The following MAP2K5 variants were observed in gnomAD, a reference collection of about 807,000 sequenced individuals.
MAP2K5 encodes the protein dual specificity mitogen-activated protein kinase kinase 5.
MAP2K5 carries 49 observed loss-of-function variants against 83.1 expected under a neutral mutation model. The ratio of observed to expected loss-of-function variants is 0.59; its 90% CI spans 0.47 to 0.75. The LOEUF (loss-of-function observed/expected upper bound fraction) is 0.75. Ranked by LOEUF, MAP2K5 falls within the 30% of genes least tolerant of loss-of-function variation. The probability of loss-of-function intolerance (pLI) is 0.00; values close to 1 mark genes in which losing one functional copy is unlikely to be tolerated. For synonymous variants in MAP2K5, 202 were observed against 191.8 expected (o/e 1.05, Z -0.44); for missense variants, 457 against 557.5 (o/e 0.82, Z 1.82).
At chr15:67,706,834 G>A (rs1196884747) in intron 16 of MAP2K5, among the ~76,000 whole-genome samples, 6 of 152,182 alleles carry the variant, frequency 3.9e-5, no homozygotes, top group Admixed American at 1.3e-4. Flanking sequence ...ATATGTGATA[G>A]GGAAGAGAAG....
At chr15:67,564,815 A>G (rs986994020) in intron 3 of MAP2K5, among the ~76,000 whole-genome samples, 3 of 152,344 alleles carry the variant, frequency 2.0e-5, no homozygotes, top group East Asian at 1.9e-4. Context: ...ACATATGTCC[A>G]TTGCAGAGAA....
chr15:67,565,340 C>T lies in MAP2K5; in HGVS notation c.252+1990C>T, dbSNP rs1355974110. Among the ~76,000 whole-genome samples the T allele has an allele frequency of 6.6e-6, 1 of 152,168 alleles. No homozygotes were observed. The highest frequency in any genetic ancestry group is 2.4e-5 in the African/African-American group (1 of 41,448). On this transcript the variant is annotated intron_variant, in intron 3 of 21. Transcript: ENST00000178640. This position sits in a 1 kb window ranked among gnomAD's most constrained non-coding sequence, Gnocchi z 4.1. ...TGTCTCCCGGGTTTAAGCAATTCTC[C>T]TGCCTCAGCCTCCTGAGTAGCTGGG...
chr15:67,543,358 C>T lies in MAP2K5; in HGVS notation c.23C>T (p.Pro8Leu). ...GTAATGCTGTGGCTAGCCCTTGGCC[C>T]CTTTCCTGCCATGGAGAACCAGGTG... MLWLALG[P>L]FPAMENQVLV... The change falls in exon 1 of 22, where the codon CCC becomes CTC. Residue 8 changes from proline to leucine, a missense_variant. This residue lies in a region of MAP2K5 where 234 missense variants were observed against 243.6 expected (regional missense o/e 0.96). Coordinates refer to ENST00000178640, the MANE Select transcript of MAP2K5 (RefSeq NM_145160.3). The surrounding 1 kb of genome is among the most constrained non-coding windows in gnomAD (Gnocchi z 4.3). 3 of 1,614,210 alleles carry T rather than the reference C, an allele frequency of 1.9e-6. No individual in the cohort carries two copies. Among genetic ancestry groups the T allele is most frequent in the East Asian group, 2.2e-5 (1 of 44,880 alleles).
intron 12 of MAP2K5, among the ~76,000 whole-genome samples, chr15:67,660,476 A>G (rs2087209685): frequency 6.6e-6 from 1 of 152,104 alleles, no homozygotes; most frequent in African/African-American, 2.4e-5. Context: ...TTGTGATCCC[A>G]GTATCCTTGG....
In MAP2K5 at chr15:67,708,343, A is replaced by G. The variant is rs1278135164; in HGVS notation, c.1044+4935A>G. Reference sequence around the variant, plus strand: ...GTCTTAAAAAAAAAAAAAATCAGATAGAGACAAAATGGGCATGAGAGTTTT... The same window carrying G: ...GTCTTAAAAAAAAAAAAAATCAGATGGAGACAAAATGGGCATGAGAGTTTT... On this transcript the variant is annotated intron_variant, in intron 16 of 21. Coordinates refer to ENST00000178640, the MANE Select transcript of MAP2K5 (RefSeq NM_145160.3). This position sits in a 1 kb window ranked among gnomAD's most constrained non-coding sequence, Gnocchi z 4.9. Among the ~76,000 whole-genome samples, 2 of 151,942 alleles carry G rather than the reference A, an allele frequency of 1.3e-5. No individual in the cohort carries two copies. The highest frequency in any genetic ancestry group is 1.3e-4 in the Admixed American group (2 of 15,262).
At chr15:67,721,533 G>C (rs1402725881) in intron 16 of MAP2K5, among the ~76,000 whole-genome samples, 1 of 152,164 alleles carries the variant, frequency 6.6e-6, no homozygotes, top group East Asian at 1.9e-4. Context: ...CACTGCACTA[G>C]AAGTCTATGA....
chr15:67,799,126 G>A (rs764979740), intron 21 of MAP2K5, among the ~76,000 whole-genome samples: 2 of 152,202 alleles, frequency 1.3e-5, no homozygotes, highest in East Asian at 3.8e-4. Flanking sequence ...CCGAGATCGC[G>A]CCACTGCCCT....
chr15:67,801,408 A>G lies in MAP2K5; in HGVS notation c.1243-5238A>G, dbSNP rs2090704458. On this transcript the variant is annotated intron_variant, in intron 21 of 21. Coordinates refer to ENST00000178640, the MANE Select transcript of MAP2K5 (RefSeq NM_145160.3). The surrounding 1 kb of genome is among the most constrained non-coding windows in gnomAD (Gnocchi z 4.8). ...GAGTCCTTGGCCTCCTATCCCATGC[A>G]GCATCCTTGGTGGGAGAGGATGTGC... Among the ~76,000 whole-genome samples the G allele has an allele frequency of 6.6e-6, 1 of 152,194 alleles. No homozygotes were observed. Among genetic ancestry groups the G allele is most frequent in the Admixed American group, 6.5e-5 (1 of 15,286 alleles).
At chr15:67,776,464 C>T (rs577435985) in intron 21 of MAP2K5, among the ~76,000 whole-genome samples, 2 of 152,144 alleles carry the variant, frequency 1.3e-5, no homozygotes, top group South Asian at 4.1e-4. Flanking sequence ...AAAAGCCAGC[C>T]CCTTGCCAGT....
intron 16 of MAP2K5, among the ~76,000 whole-genome samples, chr15:67,718,713 G>C (rs61177804): frequency 0.017 from 2,603 of 152,224 alleles, 81 homozygotes; most frequent in African/African-American, 0.06. Flanking sequence ...GCAGTGAGCC[G>C]AGATCATGCT....
intron 21 of MAP2K5, among the ~76,000 whole-genome samples, chr15:67,773,805 C>G (rs894241153): frequency 4.6e-5 from 7 of 152,090 alleles, no homozygotes; most frequent in Non-Finnish European, 7.4e-5. Context: ...AAACTGGTCT[C>G]TTTTTTTGGT....
chr15:67,610,579 G>A (rs1270925216), intron 8 of MAP2K5, among the ~76,000 whole-genome samples: 1 of 152,108 alleles, frequency 6.6e-6, no homozygotes, highest in African/African-American at 2.4e-5. Flanking sequence ...AGTCCAAAAG[G>A]CATTTACCGC....
At chr15:67,585,861 T>A in intron 4 of MAP2K5, 29 bp from the exon 5 acceptor site, 1 of 1,608,250 alleles carries the variant, frequency 6.2e-7, no homozygotes. Context: ...CCCTGATGTG[T>A]TCTACAATTT....
chr15:67,801,691 G>C lies in MAP2K5; in HGVS notation c.1243-4955G>C, dbSNP rs2090709253. Among the ~76,000 whole-genome samples, 1 of 152,280 alleles carries C rather than the reference G, an allele frequency of 6.6e-6. No individual in the cohort carries two copies. Among genetic ancestry groups the C allele is most frequent in the African/African-American group, 2.4e-5 (1 of 41,550 alleles). ...GGGGGTGCCGGGAGGGTTCAGGAGA[G>C]CTGTGGTCAGATGTAAGGCATTCAG... On this transcript the variant is annotated intron_variant, in intron 21 of 21. Coordinates refer to ENST00000178640, the MANE Select transcript of MAP2K5 (RefSeq NM_145160.3). This position sits in a 1 kb window ranked among gnomAD's most constrained non-coding sequence, Gnocchi z 4.8.
At chr15:67,578,352 T>A (rs2085108115) in intron 3 of MAP2K5, among the ~76,000 whole-genome samples, 1 of 152,240 alleles carries the variant, frequency 6.6e-6, no homozygotes, top group African/African-American at 2.4e-5. Context: ...CCTGAGTTTC[T>A]AGGCCTAGTG....
At chr15:67,763,804 T>G (rs1403283595) in intron 19 of MAP2K5, among the ~76,000 whole-genome samples, 3 of 152,168 alleles carry the variant, frequency 2.0e-5, no homozygotes, top group Non-Finnish European at 4.4e-5. Context: ...GCTATCCTGC[T>G]GGGCATGAAG....
intron 8 of MAP2K5, among the ~76,000 whole-genome samples, chr15:67,604,037 G>A (rs966909543): frequency 4.6e-5 from 7 of 152,184 alleles, no homozygotes; most frequent in South Asian, 4.1e-4. Flanking sequence ...TATTATAATC[G>A]TGTAATTACA....
chr15:67,773,162 C>T (rs779012073), intron 21 of MAP2K5, among the ~76,000 whole-genome samples: 1 of 152,130 alleles, frequency 6.6e-6, no homozygotes, highest in Non-Finnish European at 1.5e-5. Context: ...TGAAATTAAA[C>T]TGGCTGCAAA....
At chr15:67,773,741 A>T (rs1041669060) in intron 21 of MAP2K5, among the ~76,000 whole-genome samples, 2 of 152,188 alleles carry the variant, frequency 1.3e-5, no homozygotes, top group African/African-American at 4.8e-5. Flanking sequence ...CAAGTTAAAG[A>T]TCACCCCTAA....
Sources: allele counts gnomAD v4.1 joint callset (sites outside exome capture counted in the v4.1 genomes callset), GRCh38; gene constraint gnomAD v4.1.1; regional missense constraint gnomAD v4.1.1; non-coding constraint Gnocchi (gnomAD v3.1); transcripts MANE v1.5; gene names NCBI Gene and HGNC (gene_info 2026-07-23, HGNC 2026-07-21).